The following DNAH8 variants were observed in gnomAD, a reference collection of about 807,000 sequenced individuals.
DNAH8 encodes dynein axonemal heavy chain 8, also known as axonemal beta dynein heavy chain 8.
Under a neutral mutation model 562.1 loss-of-function variants are expected in DNAH8, and 382 were observed. That is an observed-to-expected ratio of 0.68 (90% confidence interval 0.63 to 0.74). The LOEUF (loss-of-function observed/expected upper bound fraction) is 0.74, where lower values mean the gene tolerates loss of function less well. Ranked by LOEUF, DNAH8 falls within the 30% of genes least tolerant of loss-of-function variation. DNAH8 has a pLI of 0.00. For synonymous variants in DNAH8, 1,881 were observed against 1,919.4 expected (o/e 0.98, Z 0.52); for missense variants, 5,203 against 5,620.4 (o/e 0.93, Z 2.37).
At chr6:38,739,060 A>ATATCATTTACCTG (rs1345908132) in intron 7 of DNAH8, among the ~76,000 whole-genome samples, 21 of 152,032 alleles carry the variant, frequency 1.4e-4, no homozygotes, top group African/African-American at 4.8e-4. Flanking sequence ...TTGCTTGTTT[A>ATATCATTTACCTG]TATCATTTAC....
chr6:38,923,821 T>G (rs1016457433), intron 72 of DNAH8, among the ~76,000 whole-genome samples, 170 bp from the exon 73 acceptor site: 4 of 152,044 alleles, frequency 2.6e-5, no homozygotes, highest in African/African-American at 9.7e-5. Context: ...TCCTACCCAC[T>G]TTTGGGTTTG....
Position 38,812,305 on chromosome 6 carries a change from C to T in DNAH8, c.3258-1749C>T, listed in dbSNP as rs377179022. Reference sequence around the variant, plus strand: ...TGAGCATTCTCATGTCCTTTATCTCCCATCCATGATTGTGATGAGTTTGGC... The same window carrying T: ...TGAGCATTCTCATGTCCTTTATCTCTCATCCATGATTGTGATGAGTTTGGC... On this transcript the variant is annotated intron_variant, in intron 24 of 92. Coordinates refer to ENST00000327475, the MANE Select transcript of DNAH8 (RefSeq NM_001206927.2). Among the ~76,000 whole-genome samples, 8 of 152,116 alleles carry T rather than the reference C, an allele frequency of 5.3e-5. No homozygotes were observed. In the East Asian group the frequency reaches 7.7e-4, roughly 15 times the overall value.
chr6:38,899,979 AAGCAC>A, intron 62 of DNAH8, 73 bp downstream of exon 62: 1 of 1,293,212 alleles, frequency 7.7e-7, no homozygotes, highest in Non-Finnish European at 1.0e-6. Context: ...GAAAAAAAGG[AAGCAC>A]AACAGTTTCC....
chr6:38,761,346 T>C (rs1766494209), intron 10 of DNAH8, among the ~76,000 whole-genome samples: 1 of 145,680 alleles, frequency 6.9e-6, no homozygotes, highest in South Asian at 2.2e-4. Context: ...CACCTATGAG[T>C]GTTGCTCTTC....
rs370365083 is a variant in DNAH8 at position 38,919,275 on chromosome 6, T to C, written c.10524+1135T>C. On this transcript the variant is annotated intron_variant, in intron 70 of 92. Coordinates refer to ENST00000327475, the MANE Select transcript of DNAH8 (RefSeq NM_001206927.2). ...ACAAACATAATACTGTAATTTGAGA[T>C]TGTGATACATGCTATGAAATTAACA... Among the ~76,000 whole-genome samples the C allele has an allele frequency of 6.6e-5, 10 of 152,342 alleles. No individual in the cohort carries two copies. In the East Asian group the frequency reaches 1.5e-3, roughly 23 times the overall value.
At chr6:38,715,956 A>ATTTTTTTTT (rs1562521493) in intron 1 of DNAH8, among the ~76,000 whole-genome samples, 10 of 27,022 alleles carry the variant, frequency 3.7e-4, no homozygotes, top group East Asian at 1.5e-3. Flanking sequence ...ATATATATAT[A>ATTTTTTTTT]TATATTTTTT....
intron 28 of DNAH8, among the ~76,000 whole-genome samples, chr6:38,825,256 CCACAGGCCTCTT>C (rs1010279241): frequency 7.9e-5 from 12 of 152,216 alleles, no homozygotes; most frequent in African/African-American, 2.9e-4. Context: ...CTCCTCAGCT[CCACAGGCCTCTT>C]AAGTTTAATG....
At chr6:38,838,735 C>G (rs1774520684) in intron 33 of DNAH8, among the ~76,000 whole-genome samples, 1 of 152,214 alleles carries the variant, frequency 6.6e-6, no homozygotes, top group East Asian at 1.9e-4. Context: ...GTAAAATGCT[C>G]TTCCCCATTG....
rs1263169887 is a variant in DNAH8 at position 38,723,082 on chromosome 6, A to T, written c.273A>T (p.Arg91=). The stretch of plus-strand genomic sequence containing the variant: ...GAGTTCGACAGAGGCTTGCACCGCG[A>T]CCGGTTCAGTCAGTGATTTCGGAAG... ...LNRVRQRLAP[R]PVQSVISEVL... Residue 91 remains arginine (R), a synonymous_variant, in exon 2 of 93, where the codon CGA becomes CGT. Coordinates refer to ENST00000327475, the MANE Select transcript of DNAH8 (RefSeq NM_001206927.2). The T allele has an allele frequency of 2.5e-6, 4 of 1,612,740 alleles. No individual in the cohort carries two copies. The highest frequency in any genetic ancestry group is 2.5e-6 in the Non-Finnish European group (3 of 1,179,892).
At chr6:38,745,878 G>A (rs1285855152) in intron 8 of DNAH8, among the ~76,000 whole-genome samples, 6 of 152,194 alleles carry the variant, frequency 3.9e-5, no homozygotes, top group Non-Finnish European at 8.8e-5. Flanking sequence ...GAGTTGATGT[G>A]CTCTTCCCAG....
At chr6:38,803,528 C>A (rs1178127292) in intron 22 of DNAH8, among the ~76,000 whole-genome samples, 2 of 151,612 alleles carry the variant, frequency 1.3e-5, no homozygotes, top group African/African-American at 4.8e-5. Flanking sequence ...AATCCAAGTT[C>A]CCAACCCCGG....
At chr6:38,857,850 A>G in intron 42 of DNAH8, 108 bp downstream of exon 42, 1 of 682,354 alleles carries the variant, frequency 1.5e-6, no homozygotes, top group South Asian at 2.0e-5. Context: ...GTCCTTTTTC[A>G]TAACTGTCCA....
chr6:38,920,456 T>C (rs753849124), intron 70 of DNAH8, among the ~76,000 whole-genome samples: 113 of 152,208 alleles, frequency 7.4e-4, no homozygotes, highest in Non-Finnish European at 1.5e-3. Context: ...ATTTTAAATT[T>C]ACAGGAAGCA....
chr6:38,925,921 G>A (rs927205024), intron 73 of DNAH8, 134 bp from the exon 74 acceptor site: 7 of 776,984 alleles, frequency 9.0e-6, no homozygotes, highest in African/African-American at 1.8e-5. Flanking sequence ...GCTTTTTTTC[G>A]AAGTACAAGT....
At chr6:39,026,345 C>G (rs1289974969) in intron 91 of DNAH8, among the ~76,000 whole-genome samples, 1 of 152,138 alleles carries the variant, frequency 6.6e-6, no homozygotes, top group Non-Finnish European at 1.5e-5. Flanking sequence ...TGTCAGCAGG[C>G]GAGAAAGATT....
At chr6:38,882,811 C>A in intron 53 of DNAH8, 99 bp from the exon 54 acceptor site, 1 of 751,528 alleles carries the variant, frequency 1.3e-6, no homozygotes, top group Non-Finnish European at 2.0e-6. Flanking sequence ...AATGTTTATA[C>A]GATTCTATTG....
At chr6:38,961,829 T>C (rs1357251777) in intron 82 of DNAH8, among the ~76,000 whole-genome samples, 2 of 151,958 alleles carry the variant, frequency 1.3e-5, no homozygotes, top group African/African-American at 4.8e-5. Context: ...GTAGAAGATA[T>C]GGCTAATGTA....
intron 13 of DNAH8, among the ~76,000 whole-genome samples, chr6:38,777,304 TA>T (rs11330203): frequency 0.12 from 18,645 of 152,270 alleles, 1,387 homozygotes; most frequent in Admixed American, 0.22. Context: ...TTTTATGATT[TA>T]TTAAGAAAGA....
chr6:38,902,555 A>G (rs575972252), intron 62 of DNAH8, among the ~76,000 whole-genome samples: 2 of 152,214 alleles, frequency 1.3e-5, no homozygotes, highest in South Asian at 2.1e-4. Context: ...TTGCCTCCTG[A>G]TTGACTCTGG....
Sources: allele counts gnomAD v4.1 joint callset (sites outside exome capture counted in the v4.1 genomes callset), GRCh38; gene constraint gnomAD v4.1.1; transcripts MANE v1.5; gene names NCBI Gene and HGNC (gene_info 2026-07-23, HGNC 2026-07-21).